CFAP47: variants seen among roughly 807,000 people sequenced by gnomAD.
The protein encoded by CFAP47 is cilia- and flagella-associated protein 47.
A neutral mutation model predicts 148.1 loss-of-function variants in CFAP47; 29 were observed. That is an observed-to-expected ratio of 0.20 (90% CI 0.15 to 0.27). CFAP47 has a LOEUF of 0.27. Ranked by LOEUF, CFAP47 falls within the 10% of genes least tolerant of loss-of-function variation. The pLI is 1.00. For missense variants in CFAP47, 1,872 were observed against 1,697.5 expected, an observed-to-expected ratio of 1.10 and a Z score of -1.81; for synonymous variants, 664 against 577.3, an observed-to-expected ratio of 1.15 and a Z score of -2.15.
intron 46 of CFAP47, among the ~76,000 whole-genome samples, chrX:36,230,461 GT>G (rs1200662119): frequency 9.4e-6 from 1 of 106,322 alleles, no homozygotes. Flanking sequence ...GGGGTTGTTT[GT>G]TTTTTTCTTG....
At chrX:35,996,814 G>C (rs1211128048) in intron 18 of CFAP47, among the ~76,000 whole-genome samples, 6 of 111,382 alleles carry the variant, frequency 5.4e-5, no homozygotes, top group Non-Finnish European at 1.1e-4. Flanking sequence ...AGTATTAACA[G>C]TCGTTATCTA....
intron 57 of CFAP47, among the ~76,000 whole-genome samples, chrX:36,333,364 C>A (rs1556014340): frequency 1.8e-5 from 2 of 110,722 alleles, no homozygotes; most frequent in Non-Finnish European, 3.8e-5. Context: ...TTCTTGGAAC[C>A]TGACTCTTCC....
chrX:36,133,799 A>T (rs923713237), intron 33 of CFAP47, among the ~76,000 whole-genome samples: 9 of 84,035 alleles, frequency 1.1e-4, no homozygotes, highest in African/African-American at 4.5e-4. Flanking sequence ...ATTGCAGTTT[A>T]AAAAAAAAAA....
intron 37 of CFAP47, among the ~76,000 whole-genome samples, chrX:36,149,825 T>G (rs1368985969): frequency 1.8e-5 from 2 of 108,500 alleles, no homozygotes; most frequent in African/African-American, 6.7e-5. Context: ...GCCAGGCTGG[T>G]CTCGAACTCC....
chrX:36,017,060 T>C (rs936900727), intron 22 of CFAP47, among the ~76,000 whole-genome samples: 2 of 111,182 alleles, frequency 1.8e-5, no homozygotes, highest in African/African-American at 6.5e-5. Flanking sequence ...CATATTCTGG[T>C]TATTAACCCA....
chrX:36,029,986 T>C (rs988695945), intron 22 of CFAP47, among the ~76,000 whole-genome samples: 61 of 110,915 alleles, frequency 5.5e-4, no homozygotes, highest in African/African-American at 2.0e-3. Flanking sequence ...CTTTTTTCTG[T>C]TGACTACATT....
At chrX:36,145,028 T>C (rs981813638) in intron 35 of CFAP47, 191 bp from the exon 36 acceptor site, 19 of 405,572 alleles carry the variant, frequency 4.7e-5, no homozygotes, top group Middle Eastern at 7.2e-4. Flanking sequence ...GCCTTTGTGA[T>C]TGTTCAGCCA....
intron 57 of CFAP47, among the ~76,000 whole-genome samples, chrX:36,321,219 C>T (rs1416449590): frequency 8.9e-6 from 1 of 111,826 alleles, no homozygotes; most frequent in African/African-American, 3.2e-5. Flanking sequence ...GAGAGAGATA[C>T]TGCCATTTGC....
intron 21 of CFAP47, among the ~76,000 whole-genome samples, chrX:36,003,651 A>G (rs1030121083): frequency 1.8e-5 from 2 of 110,803 alleles, no homozygotes; most frequent in Non-Finnish European, 3.8e-5. Flanking sequence ...ATCTATGACA[A>G]ACCCACAGCC....
intron 30 of CFAP47, among the ~76,000 whole-genome samples, chrX:36,092,721 T>G (rs1230837125): frequency 9.0e-6 from 1 of 110,580 alleles, no homozygotes; most frequent in Non-Finnish European, 1.9e-5. Flanking sequence ...TCATGGAAGA[T>G]AGGGTATTAA....
chrX:35,959,522 T>C (rs1455591356), intron 8 of CFAP47, among the ~76,000 whole-genome samples: 1 of 112,057 alleles, frequency 8.9e-6, no homozygotes, highest in Non-Finnish European at 1.9e-5. Context: ...TTAAATCTAT[T>C]TGTTGGTCGG....
chrX:36,250,344 T>TG (rs2146922267), intron 48 of CFAP47, among the ~76,000 whole-genome samples: 1 of 111,167 alleles, frequency 9.0e-6, no homozygotes, highest in Non-Finnish European at 1.9e-5. Flanking sequence ...CAATTATATG[T>TG]GGAATCTAAA....
At chrX:36,294,276 G>C (rs1213650888) in intron 51 of CFAP47, among the ~76,000 whole-genome samples, 1 of 111,474 alleles carries the variant, frequency 9.0e-6, no homozygotes, top group Non-Finnish European at 1.9e-5. Context: ...GGGTTGAAAA[G>C]AGCAGGACAT....
chrX:36,079,923 A>G (rs2146770252), intron 29 of CFAP47, among the ~76,000 whole-genome samples: 1 of 112,044 alleles, frequency 8.9e-6, no homozygotes, highest in Non-Finnish European at 1.9e-5. Flanking sequence ...GCCAAAATAG[A>G]CAAATGGGAT....
intron 39 of CFAP47, among the ~76,000 whole-genome samples, chrX:36,163,009 C>T (rs1168390103): frequency 8.9e-6 from 1 of 111,858 alleles, no homozygotes; most frequent in Non-Finnish European, 1.9e-5. Flanking sequence ...TGATATAATT[C>T]ACAGGTGAAG....
chrX:36,199,300 T>G (rs1555987637), intron 42 of CFAP47, among the ~76,000 whole-genome samples: 1 of 112,178 alleles, frequency 8.9e-6, no homozygotes, highest in African/African-American at 3.2e-5. Flanking sequence ...TTTCAGAGGT[T>G]TAGTAAACTT....
rs781167356 is a variant in CFAP47, at chrX:36,047,851, A to ACAACATCATATTTCC, written c.4217+795_4217+796insATATTTCCCAACATC. 3.9e-4 allele frequency among the ~76,000 whole-genome samples: 44 copies of ACAACATCATATTTCC among 112,282 alleles called. No individual in the cohort carries two copies. The East Asian group carries it at 0.012, about 30-fold the overall frequency. ...TCTTCTTCTTAATACATCATATTTCACAACATCCCATTTCAATCATCAGCA... is the reference window on the plus strand; with the variant it reads ...TCTTCTTCTTAATACATCATATTTCACAACATCATATTTCCCAACATCCCATTTCAATCATCAGCA... On this transcript the variant is annotated intron_variant, in intron 26 of 63. Transcript: ENST00000378653.
chrX:35,932,563 T>C (rs939719306), intron 2 of CFAP47, among the ~76,000 whole-genome samples: 1 of 110,843 alleles, frequency 9.0e-6, no homozygotes, highest in African/African-American at 3.3e-5. Flanking sequence ...GCTCCATTTT[T>C]TTCTTTCTGA....
chrX:35,953,775 A>T, intron 7 of CFAP47, 56 bp downstream of exon 7: 3 of 936,048 alleles, frequency 3.2e-6, no homozygotes, highest in Non-Finnish European at 4.4e-6. Context: ...TTGTTTAAAA[A>T]TTTGAACATG....
Sources: allele counts gnomAD v4.1 joint callset (sites outside exome capture counted in the v4.1 genomes callset), GRCh38; gene constraint gnomAD v4.1.1; transcripts MANE v1.5; gene names NCBI Gene and HGNC (gene_info 2026-07-23, HGNC 2026-07-21).